The following AGMO variants were observed in gnomAD, a reference collection of about 807,000 sequenced individuals.
AGMO encodes the protein glyceryl-ether monooxygenase.
Under a neutral mutation model 60.2 loss-of-function variants are expected in AGMO, and 75 were observed. The observed-to-expected ratio is 1.25, with a 90% CI of 1.03 to 1.51. The LOEUF (loss-of-function observed/expected upper bound fraction) is 1.51, where lower values mean the gene tolerates loss of function less well. Ranked by LOEUF, AGMO falls within the 40% of genes most tolerant of loss-of-function variation. The probability of loss-of-function intolerance (pLI) is 0.00; values close to 1 mark genes in which losing one functional copy is unlikely to be tolerated. For synonymous variants in AGMO, 261 were observed against 177.1 expected (o/e 1.47, Z -3.76); for missense variants, 763 against 525.5 (o/e 1.45, Z -4.42).
chr7:15,301,252 A>G (rs1391452982), intron 12 of AGMO, among the ~76,000 whole-genome samples: 1 of 152,166 alleles, frequency 6.6e-6, no homozygotes, highest in Non-Finnish European at 1.5e-5. Context: ...CAGGCTGGCC[A>G]ACATGCTGAA....
chr7:15,453,151 A>G (rs1781898470), intron 3 of AGMO, among the ~76,000 whole-genome samples: 1 of 152,004 alleles, frequency 6.6e-6, no homozygotes, highest in Admixed American at 6.6e-5. Flanking sequence ...GAAAGTAGAG[A>G]TGGTGGCACA....
Position 15,312,453 on chromosome 7 carries a change from T to C in AGMO, c.1263+53061A>G, listed in dbSNP as rs369195465. On this transcript the variant is annotated intron_variant, in intron 12 of 12. Transcript: ENST00000342526. The stretch of plus-strand genomic sequence containing the variant: ...GAGGGCTGACCTCTCAAGGGAGTCA[T>C]GGAAATCACAGGACAATCAAATGTA... 1.8e-4 allele frequency among the ~76,000 whole-genome samples: 26 copies of C among 142,992 alleles called. 1 individual carries two copies. The highest frequency in any genetic ancestry group is 1.0e-3 in the East Asian group (5 of 4,834). The allele number at this position is 142,992 out of a possible 152,430, so 93.8% of individuals were successfully genotyped here. A position where few individuals can be genotyped will look rare whatever the true frequency, so the allele number is the denominator to read the frequency against.
At chr7:15,560,602 A>C (rs1785277889) in intron 1 of AGMO, among the ~76,000 whole-genome samples, 1 of 152,200 alleles carries the variant, frequency 6.6e-6, no homozygotes, top group African/African-American at 2.4e-5. Flanking sequence ...GTAGATAATT[A>C]GAGGTCTATT....
rs77019720 is a variant in AGMO, at chr7:15,331,969, G to T, written c.1263+33545C>A. Among the ~76,000 whole-genome samples the T allele has an allele frequency of 5.0e-3, 759 of 151,726 alleles. 9 individuals carry two copies. The highest frequency in any genetic ancestry group is 0.017 in the African/African-American group (714 of 41,374). ...TGTGACTAAGTCCTGCCAATGGAATGGGAGCAGAGGTGAAATATGCTGCCC... is the reference window on the plus strand; with the variant it reads ...TGTGACTAAGTCCTGCCAATGGAATTGGAGCAGAGGTGAAATATGCTGCCC... On this transcript the variant is annotated intron_variant, in intron 12 of 12. Coordinates refer to ENST00000342526, the MANE Select transcript of AGMO (RefSeq NM_001004320.2).
intron 12 of AGMO, among the ~76,000 whole-genome samples, chr7:15,226,404 G>T (rs1392247010): frequency 6.6e-6 from 1 of 152,018 alleles, no homozygotes; most frequent in African/African-American, 2.4e-5. Context: ...ATATTTTTCT[G>T]ACACCAGTTC....
intron 8 of AGMO, among the ~76,000 whole-genome samples, chr7:15,390,401 A>T (rs959547733): frequency 2.6e-5 from 4 of 152,200 alleles, no homozygotes; most frequent in Non-Finnish European, 5.9e-5. Context: ...TTTCAGGTCC[A>T]TTCTGAGAAA....
the AGMO span, among the ~76,000 whole-genome samples, chr7:15,129,408 T>C: frequency 1.3e-5 from 2 of 152,148 alleles, no homozygotes; most frequent in Non-Finnish European, 1.5e-5. Flanking sequence ...GAATAAAATA[T>C]AGGAAGATAA....
At chr7:15,163,825 G>T in the AGMO span, among the ~76,000 whole-genome samples, 1 of 151,836 alleles carries the variant, frequency 6.6e-6, no homozygotes, top group Admixed American at 6.6e-5. Context: ...ATATCAGGAT[G>T]ATATTGCTTT....
At chr7:15,153,221 C>T in the AGMO span, among the ~76,000 whole-genome samples, 1 of 149,764 alleles carries the variant, frequency 6.7e-6, no homozygotes, top group African/African-American at 2.5e-5. Context: ...TGTTTAAACT[C>T]TTTGTAGATT....
intron 12 of AGMO, among the ~76,000 whole-genome samples, chr7:15,322,704 A>T (rs1159058749): frequency 9.0e-5 from 4 of 44,268 alleles, no homozygotes; most frequent in African/African-American, 5.3e-4. Context: ...GAATATGTAT[A>T]AATATATATA....
intron 2 of AGMO, among the ~76,000 whole-genome samples, chr7:15,547,366 C>G (rs1232400856): frequency 6.6e-6 from 1 of 151,930 alleles, no homozygotes; most frequent in South Asian, 2.1e-4. Flanking sequence ...GCATGAGCGA[C>G]GCAGAAGACG....
Position 15,338,468 on chromosome 7 carries a change from TTA to T in AGMO, c.1263+27044_1263+27045del, listed in dbSNP as rs1554417915. Among the ~76,000 whole-genome samples the T allele has an allele frequency of 3.3e-3, 500 of 151,952 alleles. 2 individuals carry two copies. The highest frequency in any genetic ancestry group is 0.011 in the African/African-American group (459 of 41,422). On this transcript the variant is annotated intron_variant, in intron 12 of 12. Transcript: ENST00000342526. ...GATTTGGCATTGTGATGCTCTGATC[TTA>T]TTTAATTTAAAGTCAACATTTGATA...
the AGMO span, among the ~76,000 whole-genome samples, chr7:15,175,383 A>G: frequency 6.6e-6 from 1 of 152,004 alleles, no homozygotes; most frequent in Non-Finnish European, 1.5e-5. Flanking sequence ...CTGACAAAGA[A>G]GAGTAGTTTT....
At chr7:15,541,926 T>C (rs551666562) in intron 3 of AGMO, among the ~76,000 whole-genome samples, 17 of 152,304 alleles carry the variant, frequency 1.1e-4, no homozygotes, top group African/African-American at 3.6e-4. Flanking sequence ...AAGTAATACA[T>C]TGAATAGAAA....
intron 10 of AGMO, among the ~76,000 whole-genome samples, chr7:15,368,383 T>C (rs528433088): frequency 1.3e-5 from 2 of 152,072 alleles, no homozygotes; most frequent in African/African-American, 2.4e-5. Flanking sequence ...ATTGCTTCAT[T>C]GTGGTTTTGG....
At chr7:15,195,174 A>C in the AGMO span, among the ~76,000 whole-genome samples, 104 of 152,316 alleles carry the variant, frequency 6.8e-4, no homozygotes, top group African/African-American at 2.4e-3. Context: ...AACCCCCTGT[A>C]TATTTTAACA....
intron 3 of AGMO, among the ~76,000 whole-genome samples, chr7:15,524,481 CTAAT>C (rs553932698): frequency 1.4e-3 from 212 of 152,210 alleles, no homozygotes; most frequent in Admixed American, 5.0e-3. Context: ...TTTTTGACAA[CTAAT>C]TAAATTTTTA....
intron 12 of AGMO, among the ~76,000 whole-genome samples, chr7:15,332,052 C>A (rs1450762890): frequency 6.6e-6 from 1 of 151,944 alleles, no homozygotes; most frequent in Non-Finnish European, 1.5e-5. Context: ...AAAATGGAGA[C>A]GAGTGAAATC....
At chr7:15,554,894 C>T (rs966690575) in intron 2 of AGMO, among the ~76,000 whole-genome samples, 3 of 151,950 alleles carry the variant, frequency 2.0e-5, no homozygotes, top group African/African-American at 4.8e-5. Flanking sequence ...TTCACTCTTT[C>T]AGTGTCTAAG....
Sources: gnomAD v4.1 joint callset for allele counts (sites outside exome capture counted in the v4.1 genomes callset) on GRCh38, gnomAD v4.1.1 for gene constraint, MANE v1.5 for transcripts, NCBI Gene and HGNC (gene_info 2026-07-23, HGNC 2026-07-21) for gene names.